The following ATG4A variants were observed in gnomAD, a reference collection of about 807,000 sequenced individuals.
ATG4A encodes the protein autophagy related 4A cysteine peptidase.
ATG4A carries 22 observed loss-of-function variants against 38.4 expected under a neutral mutation model. The observed-to-expected ratio is 0.57, with a 90% confidence interval of 0.41 to 0.82. The LOEUF is 0.82. Among genes scored for constraint, ATG4A ranks in the 40% least tolerant of loss-of-function variants. ATG4A has a pLI of 0.00. For missense variants in ATG4A, 220 were observed against 290.0 expected (o/e 0.76, Z 1.75); for synonymous variants, 86 against 100.7 (o/e 0.85, Z 0.88).
Position 108,153,075 on chromosome X carries a change from A to G in ATG4A, c.1114A>G (p.Thr372Ala). Residue 372 changes from threonine to alanine, a missense_variant, in exon 12 of 13, where the codon ACC (threonine) becomes GCC (alanine). Transcript: ENST00000372232. ...FVPPAKPEVT[T>A]TGAEFIDSTE... ...ACCTCCAGCCAAGCCAGAAGTGACAACCACTGGGGCAGGTAAGCTGTTGTT... is the reference window on the plus strand; with the variant it reads ...ACCTCCAGCCAAGCCAGAAGTGACAGCCACTGGGGCAGGTAAGCTGTTGTT... 1 of 1,204,548 alleles carries G rather than the reference A, an allele frequency of 8.3e-7. No homozygotes were observed. Among genetic ancestry groups the G allele is most frequent in the African/African-American group, 1.7e-5 (1 of 57,750 alleles).
chrX:108,111,682 A>G (rs995556919), intron 1 of ATG4A, among the ~76,000 whole-genome samples: 4 of 111,798 alleles, frequency 3.6e-5, no homozygotes, highest in African/African-American at 1.3e-4. Context: ...ACTTGCCTCT[A>G]CTGTGCAAGC....
At chrX:108,121,633 T>C (rs753879012) in intron 1 of ATG4A, among the ~76,000 whole-genome samples, 1 of 111,677 alleles carries the variant, frequency 9.0e-6, no homozygotes, top group South Asian at 3.8e-4. Context: ...TGCCACCTTT[T>C]CTAGGTTGTA....
chrX:108,134,869 G>A (rs1484445550), intron 6 of ATG4A, among the ~76,000 whole-genome samples: 1 of 111,828 alleles, frequency 8.9e-6, no homozygotes, highest in East Asian at 2.8e-4. Flanking sequence ...CTAAGTTCTG[G>A]GGGTGCAGAA....
At chrX:108,151,727 C>T (rs934834065) in intron 10 of ATG4A, 75 bp from the exon 11 acceptor site, 1 of 1,045,213 alleles carries the variant, frequency 9.6e-7, no homozygotes, top group African/African-American at 1.9e-5. Context: ...GGCCCACATC[C>T]TAATTCTGGG....
chrX:108,124,916 G>A, intron 1 of ATG4A, among the ~76,000 whole-genome samples: 1 of 111,567 alleles, frequency 9.0e-6, no homozygotes, highest in Non-Finnish European at 1.9e-5. Context: ...TTGTACAAAT[G>A]GCCCCCTACT....
intron 9 of ATG4A, among the ~76,000 whole-genome samples, chrX:108,149,722 A>G (rs1238359431): frequency 8.9e-6 from 1 of 112,237 alleles, no homozygotes; most frequent in Non-Finnish European, 1.9e-5. Flanking sequence ...CTTTCTGAGC[A>G]TGGGGCTGAG....
At chrX:108,091,704 C>G, upstream of ATG4A, 1 of 1,001,299 alleles carries the variant, frequency 1.0e-6, no homozygotes, top group Non-Finnish European at 1.4e-6. Flanking sequence ...GGCAGGGAGG[C>G]GCCTTTGCTG....
chrX:108,108,455 C>T (rs1403988088), intron 1 of ATG4A, among the ~76,000 whole-genome samples: 1 of 110,124 alleles, frequency 9.1e-6, no homozygotes, highest in East Asian at 2.8e-4. Context: ...TTTCTTGGAA[C>T]CAGAATATAA....
At chrX:108,136,821 G>A (rs915366455) in intron 6 of ATG4A, among the ~76,000 whole-genome samples, 3 of 111,678 alleles carry the variant, frequency 2.7e-5, no homozygotes, top group African/African-American at 9.8e-5. Context: ...TCCCCAGTAG[G>A]TGTCCCGTCA....
intron 1 of ATG4A, among the ~76,000 whole-genome samples, chrX:108,094,678 TCAAA>T (rs780140618): frequency 3.6e-4 from 40 of 112,550 alleles, no homozygotes; most frequent in Non-Finnish European, 6.0e-4. Flanking sequence ...TACACTATCC[TCAAA>T]CATGATTTTA....
chrX:108,095,750 G>A (rs1176820540), intron 1 of ATG4A, among the ~76,000 whole-genome samples: 5 of 92,479 alleles, frequency 5.4e-5, no homozygotes, highest in South Asian at 5.1e-4. Flanking sequence ...TCACTCTGTC[G>A]CCCAGGCTGA....
chrX:108,114,040 T>C (rs1220818813), intron 1 of ATG4A, among the ~76,000 whole-genome samples: 1 of 112,188 alleles, frequency 8.9e-6, no homozygotes, highest in African/African-American at 3.2e-5. Context: ...TTATTAATTG[T>C]ACTTCTCTTT....
At chrX:108,091,997 C>A in intron 1 of ATG4A, 161 bp downstream of exon 1, 1 of 903,790 alleles carries the variant, frequency 1.1e-6, no homozygotes, top group Non-Finnish European at 1.5e-6. Flanking sequence ...CAGTGGCAGG[C>A]GGAAGGGACA....
chrX:108,142,688 A>T (rs1218724007), intron 9 of ATG4A, among the ~76,000 whole-genome samples: 3 of 110,801 alleles, frequency 2.7e-5, no homozygotes, highest in Non-Finnish European at 5.7e-5. Flanking sequence ...ATGGAGAAAG[A>T]TGTAGGCTGG....
Position 108,091,854 on chromosome X carries a change from G to A in ATG4A, c.10+18G>A, listed in dbSNP as rs753494825. Reference sequence around the variant, plus strand: ...GGAGTCAGGTACGGGGAGCGGCTTTGAGTGGAACCGTGTGAAAGAGCCGGG... The same window carrying A: ...GGAGTCAGGTACGGGGAGCGGCTTTAAGTGGAACCGTGTGAAAGAGCCGGG... On this transcript the variant is annotated intron_variant, in intron 1 of 12. Transcript: ENST00000372232. The A allele has an allele frequency of 3.3e-6, 4 of 1,211,470 alleles. No homozygotes were observed. The South Asian group carries it at 7.0e-5, about 21-fold the overall frequency.
intron 1 of ATG4A, among the ~76,000 whole-genome samples, chrX:108,123,278 C>G (rs1014762156): frequency 8.9e-6 from 1 of 112,142 alleles, no homozygotes; most frequent in Non-Finnish European, 1.9e-5. Flanking sequence ...TCTCTTTAAA[C>G]AGACAGAAAA....
chrX:108,152,017 T>G (rs763736102), intron 11 of ATG4A, 159 bp downstream of exon 11: 1 of 499,280 alleles, frequency 2.0e-6, no homozygotes, highest in East Asian at 3.6e-5. Flanking sequence ...TGTGGGGAAT[T>G]GTGCATAACT....
intron 1 of ATG4A, among the ~76,000 whole-genome samples, chrX:108,110,201 C>CAA (rs35962236): frequency 2.6e-3 from 135 of 51,532 alleles, no homozygotes; most frequent in Non-Finnish European, 3.7e-3. Context: ...CCTGTCTCCA[C>CAA]AAAAAAAAAA....
At chrX:108,123,593 G>A (rs371780064) in intron 1 of ATG4A, among the ~76,000 whole-genome samples, 3 of 111,575 alleles carry the variant, frequency 2.7e-5, no homozygotes, top group East Asian at 5.6e-4. Context: ...ATGTAGCCTC[G>A]ATTCAAGGAT....
Sources: gnomAD v4.1 joint callset for allele counts (sites outside exome capture counted in the v4.1 genomes callset) on GRCh38, gnomAD v4.1.1 for gene constraint, MANE v1.5 for transcripts, NCBI Gene and HGNC (gene_info 2026-07-23, HGNC 2026-07-21) for gene names.